CCSER1: variants seen among roughly 807,000 people sequenced by gnomAD.
The protein encoded by CCSER1 is coiled-coil serine rich protein 1, also known as serine-rich coiled-coil domain-containing protein 1.
In CCSER1, 41 loss-of-function variants were observed where a neutral mutation model predicts 82.0. The ratio of observed to expected loss-of-function variants is 0.50; its 90% CI spans 0.39 to 0.65. The LOEUF is 0.65. Among genes scored for constraint, CCSER1 ranks in the 30% least tolerant of loss-of-function variants. CCSER1 has a pLI of 0.00. For missense variants in CCSER1, 1,119 were observed against 1,064.2 expected (o/e 1.05, Z -0.72); for synonymous variants, 414 against 383.9 (o/e 1.08, Z -0.92).
chr4:91,254,859 T>G (rs951214806), intron 10 of CCSER1, among the ~76,000 whole-genome samples: 34 of 152,248 alleles, frequency 2.2e-4, no homozygotes, highest in African/African-American at 7.7e-4. Flanking sequence ...GGAAGTAGCA[T>G]ATTATAGCAT....
rs563377178 is a variant in CCSER1 at position 90,475,864 on chromosome 4, G to A, written c.1724+7510G>A. 6.2e-4 allele frequency among the ~76,000 whole-genome samples: 94 copies of A among 152,234 alleles called. 1 individual carries two copies. Among genetic ancestry groups the A allele is most frequent in the South Asian group, 5.2e-3 (25 of 4,828 alleles). ...CTAAAGCCAATTAAATCTCCTTAAA[G>A]CTCCTCTGACCGAGTACCACTACCC... On this transcript the variant is annotated intron_variant, in intron 5 of 10. Coordinates refer to ENST00000509176, the MANE Select transcript of CCSER1 (RefSeq NM_001145065.2).
intron 9 of CCSER1, among the ~76,000 whole-genome samples, chr4:91,021,930 T>C (rs1740013545): frequency 3.3e-5 from 5 of 152,166 alleles, no homozygotes; most frequent in African/African-American, 1.2e-4. Context: ...TATATAGGTA[T>C]GGTATATTTC....
At chr4:90,743,347 T>C (rs1259839586) in intron 7 of CCSER1, among the ~76,000 whole-genome samples, 2 of 152,206 alleles carry the variant, frequency 1.3e-5, no homozygotes, top group Non-Finnish European at 2.9e-5. Flanking sequence ...ATTTGAATAT[T>C]CTGAGAAACT....
chr4:90,555,904 A>G (rs753388378), intron 5 of CCSER1, among the ~76,000 whole-genome samples: 2 of 152,094 alleles, frequency 1.3e-5, no homozygotes, highest in Non-Finnish European at 2.9e-5. Context: ...ACAGGAAGTT[A>G]TTTTGCGTTA....
chr4:91,086,473 TA>T (rs1723407703), intron 10 of CCSER1, among the ~76,000 whole-genome samples: 1 of 152,120 alleles, frequency 6.6e-6, no homozygotes, highest in South Asian at 2.1e-4. Flanking sequence ...CTAGTAATTT[TA>T]AAACTAACTG....
intron 5 of CCSER1, among the ~76,000 whole-genome samples, chr4:90,480,199 C>T (rs1765723765): frequency 6.6e-6 from 1 of 152,050 alleles, no homozygotes; most frequent in African/African-American, 2.4e-5. Context: ...CTGTTCATAT[C>T]CTTCGACCAC....
chr4:91,599,184 T>G lies in CCSER1; in HGVS notation c.*127T>G, dbSNP rs1360217494. 15 of 1,211,958 alleles carry G rather than the reference T, an allele frequency of 1.2e-5. No individual in the cohort carries two copies. The highest frequency in any genetic ancestry group is 1.6e-5 in the Non-Finnish European group (14 of 902,178). 75.1% of individuals were successfully genotyped at this position (1,211,958 alleles called of 1,614,324 possible). ...TTATAAACAGAGTTGTGTTGTTGGG[T>G]TTTTTTTCTTAGTCATAAACAAAGA... is the stretch of plus-strand genomic sequence containing the variant. On this transcript the variant is annotated 3_prime_UTR_variant, in exon 11 of 11. Coordinates refer to ENST00000509176, the MANE Select transcript of CCSER1 (RefSeq NM_001145065.2).
intron 10 of CCSER1, among the ~76,000 whole-genome samples, chr4:91,197,130 G>C (rs1006456215): frequency 3.3e-5 from 5 of 152,168 alleles, no homozygotes; most frequent in African/African-American, 4.8e-5. Context: ...GTGTCGTTCA[G>C]CAATATTGAA....
At chr4:91,413,164 C>T (rs1304077001) in intron 10 of CCSER1, among the ~76,000 whole-genome samples, 1 of 152,076 alleles carries the variant, frequency 6.6e-6, no homozygotes, top group East Asian at 1.9e-4. Flanking sequence ...ATAGGTTGGC[C>T]AGGCATGGTA....
intron 10 of CCSER1, among the ~76,000 whole-genome samples, chr4:91,282,432 C>G (rs1179217961): frequency 6.6e-6 from 1 of 152,146 alleles, no homozygotes; most frequent in East Asian, 1.9e-4. Context: ...ACACTTGGGT[C>G]TGTACAGCAA....
At chr4:90,527,203 A>C (rs1656209136) in intron 5 of CCSER1, among the ~76,000 whole-genome samples, 1 of 152,200 alleles carries the variant, frequency 6.6e-6, no homozygotes, top group African/African-American at 2.4e-5. Flanking sequence ...TATCCATCTG[A>C]CAAAGGGCTA....
chr4:91,493,287 C>A (rs1283425993), intron 10 of CCSER1, among the ~76,000 whole-genome samples: 1 of 151,688 alleles, frequency 6.6e-6, no homozygotes, highest in Non-Finnish European at 1.5e-5. Context: ...GACTATAACT[C>A]ATCTCATTTA....
intron 3 of CCSER1, among the ~76,000 whole-genome samples, chr4:90,388,872 G>A (rs968725255): frequency 2.0e-5 from 3 of 152,046 alleles, no homozygotes; most frequent in Non-Finnish European, 2.9e-5. Flanking sequence ...CTGACCTCAG[G>A]AGATCTGCCC....
At chr4:91,193,016 C>T (rs1327717476) in intron 10 of CCSER1, among the ~76,000 whole-genome samples, 3 of 152,084 alleles carry the variant, frequency 2.0e-5, no homozygotes, top group Non-Finnish European at 2.9e-5. Flanking sequence ...ACGATCCTTC[C>T]TCAAACTATA....
chr4:91,565,608 C>A (rs920484264), intron 10 of CCSER1, among the ~76,000 whole-genome samples: 5 of 151,760 alleles, frequency 3.3e-5, no homozygotes, highest in African/African-American at 1.2e-4. Flanking sequence ...TTGTAGAGAT[C>A]TTTCACCTCT....
intron 6 of CCSER1, among the ~76,000 whole-genome samples, chr4:90,710,884 A>G (rs1197332138): frequency 2.0e-5 from 3 of 152,032 alleles, no homozygotes; most frequent in African/African-American, 7.2e-5. Flanking sequence ...ACATGGTTTA[A>G]TGGGAATAGC....
chr4:90,860,471 CATTTTTTGAT>C (rs1422030840), intron 8 of CCSER1, among the ~76,000 whole-genome samples: 1 of 151,570 alleles, frequency 6.6e-6, no homozygotes, highest in African/African-American at 2.4e-5. Flanking sequence ...ATAGAGTTAA[CATTTTTTGAT>C]ATGGTAATAG....
chr4:91,544,963 G>A (rs1023867859), intron 10 of CCSER1, among the ~76,000 whole-genome samples: 6 of 151,994 alleles, frequency 3.9e-5, no homozygotes, highest in Non-Finnish European at 7.4e-5. Context: ...CATCCAGTTC[G>A]AGCTTCCTAG....
intron 10 of CCSER1, among the ~76,000 whole-genome samples, chr4:91,478,218 T>C (rs1757699112): frequency 6.6e-6 from 1 of 151,964 alleles, no homozygotes; most frequent in Non-Finnish European, 1.5e-5. Flanking sequence ...TTCTATAAAA[T>C]ATAATTACTG....
Sources: gnomAD v4.1 joint callset for allele counts (sites outside exome capture counted in the v4.1 genomes callset) on GRCh38, gnomAD v4.1.1 for gene constraint, MANE v1.5 for transcripts, NCBI Gene and HGNC (gene_info 2026-07-23, HGNC 2026-07-21) for gene names.